Variants in SHTN1 observed in about 807,000 individuals in gnomAD.
SHTN1 encodes the protein shootin-1.
In SHTN1, 42 loss-of-function variants were observed where a neutral mutation model predicts 83.1. The observed-to-expected ratio is 0.51, with a 90% CI of 0.39 to 0.65. SHTN1 has a LOEUF of 0.65. Ranked by LOEUF, SHTN1 falls within the 30% of genes least tolerant of loss-of-function variation. The pLI is 0.00. For missense variants in SHTN1, 622 were observed against 737.8 expected (o/e 0.84, Z 1.82); for synonymous variants, 224 against 247.7 (o/e 0.90, Z 0.90).
intron 1 of SHTN1, among the ~76,000 whole-genome samples, chr10:117,004,139 G>A (rs1401876095): frequency 6.6e-6 from 1 of 151,976 alleles, no homozygotes; most frequent in Non-Finnish European, 1.5e-5. Context: ...CACCTGCCTC[G>A]GCCTCCCAAA....
intron 1 of SHTN1, among the ~76,000 whole-genome samples, chr10:117,066,059 T>A (rs1852996223): frequency 6.6e-6 from 1 of 151,840 alleles, no homozygotes; most frequent in Non-Finnish European, 1.5e-5. Context: ...ATCAAGACCC[T>A]ACCTCTAAAA....
intron 2 of SHTN1, among the ~76,000 whole-genome samples, chr10:117,020,682 C>A (rs755597277): frequency 1.1e-4 from 17 of 151,556 alleles, no homozygotes; most frequent in Non-Finnish European, 2.2e-4. Flanking sequence ...AATCATGGAC[C>A]TAAATATACA....
chr10:116,935,942 GTTTA>G (rs1305850937), intron 9 of SHTN1, among the ~76,000 whole-genome samples: 2 of 152,264 alleles, frequency 1.3e-5, no homozygotes, highest in East Asian at 3.9e-4. Context: ...AGATTTTCTA[GTTTA>G]TTTGTGTACA....
intron 15 of SHTN1, among the ~76,000 whole-genome samples, chr10:116,903,694 G>A (rs1847843615): frequency 6.6e-6 from 1 of 152,146 alleles, no homozygotes. Context: ...GCTCTATTCT[G>A]CCCTTGGGTA....
At chr10:117,087,626 A>G (rs565329036) in intron 1 of SHTN1, among the ~76,000 whole-genome samples, 3 of 152,244 alleles carry the variant, frequency 2.0e-5, no homozygotes, top group Admixed American at 1.3e-4. Context: ...ACTTTAAAAA[A>G]TATTTACGTG....
chr10:117,119,854 A>AT (rs1853898787), intron 1 of SHTN1, among the ~76,000 whole-genome samples: 4 of 151,810 alleles, frequency 2.6e-5, no homozygotes, highest in African/African-American at 9.7e-5. Flanking sequence ...AAAAAAAAAA[A>AT]AATAAGATCC....
intron 1 of SHTN1, among the ~76,000 whole-genome samples, chr10:117,109,530 T>C (rs1326911214): frequency 4.0e-5 from 1 of 24,786 alleles, no homozygotes; most frequent in Non-Finnish European, 4.8e-4. Context: ...TATAAAATTT[T>C]CCAAAGGCAT....
chr10:116,969,334 G>A lies in SHTN1; in HGVS notation c.112-622C>T, dbSNP rs180998985. Among the ~76,000 whole-genome samples the A allele has an allele frequency of 5.3e-5, 8 of 152,182 alleles. No homozygotes were observed. In the South Asian group the frequency reaches 8.3e-4, roughly 16 times the overall value. On this transcript the variant is annotated intron_variant, in intron 2 of 16. Transcript: ENST00000355371. ...TGCGCACCTGTAATCCCAGCTACTC[G>A]GGAGGCTGAGGCAGGAGAATTGCTT...
intron 1 of SHTN1, among the ~76,000 whole-genome samples, chr10:117,060,031 C>A (rs141711270): frequency 1.3e-5 from 2 of 152,012 alleles, no homozygotes; most frequent in Non-Finnish European, 2.9e-5. Flanking sequence ...GGCAATACAG[C>A]CAAACTCCAT....
chr10:116,895,974 C>G (rs1402646742), intron 16 of SHTN1, among the ~76,000 whole-genome samples: 2 of 152,164 alleles, frequency 1.3e-5, no homozygotes, highest in African/African-American at 4.8e-5. Flanking sequence ...CCAAAACCCT[C>G]AATCCCCAAA....
chr10:117,084,908 G>A (rs538115395), intron 1 of SHTN1, among the ~76,000 whole-genome samples: 57 of 152,094 alleles, frequency 3.7e-4, no homozygotes, highest in Admixed American at 9.2e-4. Flanking sequence ...CGCACGGTGC[G>A]CGCCCCCACT....
chr10:117,021,904 T>C (rs1234763298), intron 2 of SHTN1, among the ~76,000 whole-genome samples: 1 of 152,212 alleles, frequency 6.6e-6, no homozygotes, highest in Non-Finnish European at 1.5e-5. Context: ...AATCACTTTA[T>C]TGCTGTGAAG....
intron 2 of SHTN1, among the ~76,000 whole-genome samples, chr10:116,969,089 C>T (rs1396824800): frequency 6.6e-6 from 1 of 152,192 alleles, no homozygotes; most frequent in African/African-American, 2.4e-5. Flanking sequence ...TTCCAAACAG[C>T]TTCAACTACC....
intron 1 of SHTN1, among the ~76,000 whole-genome samples, chr10:117,116,104 T>C (rs1853841440): frequency 6.6e-6 from 1 of 151,126 alleles, no homozygotes; most frequent in Non-Finnish European, 1.5e-5. Context: ...ACTAAAATAA[T>C]ATGGAAGATC....
chr10:117,061,150 T>C (rs7476943), intron 1 of SHTN1, among the ~76,000 whole-genome samples: 46 of 137,178 alleles, frequency 3.4e-4, no homozygotes, highest in East Asian at 1.5e-3. Flanking sequence ...TTTTTTTTTT[T>C]CTTTTTTTTT....
At chr10:117,110,518 A>ATT (rs752708749) in intron 1 of SHTN1, among the ~76,000 whole-genome samples, 3 of 140,700 alleles carry the variant, frequency 2.1e-5, no homozygotes, top group Non-Finnish European at 4.7e-5. Context: ...TGCCTGGGTA[A>ATT]TTTTTTTTTT....
chr10:116,946,609 ATATAT>A (rs1849601482), intron 7 of SHTN1, among the ~76,000 whole-genome samples: 2 of 96,372 alleles, frequency 2.1e-5, no homozygotes, highest in Admixed American at 2.4e-4. Context: ...AAAATGATTT[ATATAT>A]AAATATATAA....
chr10:116,907,091 T>C (rs1030374205), intron 14 of SHTN1, among the ~76,000 whole-genome samples: 17 of 152,154 alleles, frequency 1.1e-4, no homozygotes, highest in African/African-American at 3.4e-4. Flanking sequence ...GAGAAGAGAA[T>C]TGATATATTA....
rs1260961890 is a variant in SHTN1 at position 116,931,708 on chromosome 10, G to GA, written c.859-1707dup. ...GACATGAGAAGATATATTACCAATG[G>GA]AAAAAAAATCAAGGCATAAAATAGT... On this transcript the variant is annotated intron_variant, in intron 9 of 16. Coordinates refer to ENST00000355371, the MANE Select transcript of SHTN1 (RefSeq NM_001127211.3). 2.6e-5 allele frequency among the ~76,000 whole-genome samples: 4 copies of GA among 151,438 alleles called. No homozygotes were observed. In the South Asian group the frequency reaches 6.2e-4, roughly 24 times the overall value.
Sources: gnomAD v4.1 joint callset for allele counts (sites outside exome capture counted in the v4.1 genomes callset) on GRCh38, gnomAD v4.1.1 for gene constraint, MANE v1.5 for transcripts, NCBI Gene and HGNC (gene_info 2026-07-23, HGNC 2026-07-21) for gene names.